The following MIA2 variants were observed in gnomAD, a reference collection of about 807,000 sequenced individuals.
The protein encoded by MIA2 is MIA SH3 domain ER export factor 2.
In MIA2, 127 loss-of-function variants were observed where a neutral mutation model predicts 167.8. That is an observed-to-expected ratio of 0.76 (90% CI 0.66 to 0.88). The LOEUF is 0.88. Among genes scored for constraint, MIA2 ranks in the 40% least tolerant of loss-of-function variants. The pLI, the probability that MIA2 is intolerant of heterozygous loss-of-function variation, is 0.00. For missense variants in MIA2, 1,690 were observed against 1,624.7 expected (o/e 1.04, Z -0.69); for synonymous variants, 552 against 541.9 (o/e 1.02, Z -0.26).
At chr14:39,385,480 A>T (rs2075257347) in intron 23 of MIA2, 2 of 969,010 alleles carry the variant, frequency 2.1e-6, no homozygotes, top group Non-Finnish European at 3.4e-6. Context: ...AAATACAGTG[A>T]TCTTGCTCTC....
rs144937204 is a variant in MIA2, at chr14:39,385,796, G to C, written c.2249-1089G>C. On this transcript the variant is annotated intron_variant, in intron 23 of 23. Transcript: ENST00000341502. ...AGGTCATTTAATTGCTGTTGCCTCT[G>C]GTTCTCAGTGCTTCTATTTACAACA... 1.0e-3 allele frequency: 880 copies of C among 879,422 alleles called. 4 individuals carry two copies. In the African/African-American group the frequency reaches 0.013, roughly 13 times the overall value. The allele number at this position is 879,422 out of a possible 1,614,324, so 54.5% of individuals were successfully genotyped here.
At chr14:39,301,314 C>T (rs770891532) in intron 14 of MIA2, among the ~76,000 whole-genome samples, 1 of 152,206 alleles carries the variant, frequency 6.6e-6, no homozygotes, top group African/African-American at 2.4e-5. Context: ...ATCCGCCCAC[C>T]TTAGCCTCCC....
At chr14:39,240,293 C>T (rs528372020) in intron 2 of MIA2, among the ~76,000 whole-genome samples, 10 of 152,132 alleles carry the variant, frequency 6.6e-5, no homozygotes, top group Admixed American at 4.6e-4. Context: ...AACAGAAAAA[C>T]GAATAAAATG....
Position 39,247,251 on chromosome 14 carries a change from G to T in MIA2, c.677G>T (p.Trp226Leu). ...PSSAVSGVKEWFGLGGEQAEE... is the reference protein window; with the variant it reads ...PSSAVSGVKELFGLGGEQAEE... ...TCAGCTGTGTCTGGAGTCAAAGAAT[G>T]GTTTGGATTGGGAGGAGAACAAGCT... The change falls in exon 4 of 29, where the codon TGG becomes TTG. Residue 226 changes from tryptophan to leucine, a missense_variant. Coordinates refer to ENST00000640607, the MANE Select transcript of MIA2 (RefSeq NM_001329214.4). The T allele has an allele frequency of 6.2e-7, 1 of 1,614,040 alleles. No homozygotes were observed. Among genetic ancestry groups the T allele is most frequent in the Non-Finnish European group, 8.5e-7 (1 of 1,180,008 alleles).
intron 23 of MIA2, among the ~76,000 whole-genome samples, chr14:39,380,648 G>A (rs1352623280): frequency 5.1e-5 from 7 of 136,156 alleles, no homozygotes; most frequent in South Asian, 2.3e-4. Context: ...AGCTGAGATC[G>A]CACCACTGCA....
chr14:39,292,759 A>C, intron 10 of MIA2: 1 of 194,846 alleles, frequency 5.1e-6, no homozygotes, highest in Admixed American at 6.2e-5. Flanking sequence ...ATAACTAATC[A>C]TTTTAAATTA....
chr14:39,346,600 T>G (rs1231976105), intron 26 of MIA2, among the ~76,000 whole-genome samples: 1 of 151,076 alleles, frequency 6.6e-6, no homozygotes, highest in Non-Finnish European at 1.5e-5. Flanking sequence ...AAATTTTTTT[T>G]AAAGTCAAGA....
downstream of MIA2, among the ~76,000 whole-genome samples, chr14:39,352,427 A>T (rs1221640341): frequency 6.6e-6 from 1 of 152,030 alleles, no homozygotes; most frequent in Non-Finnish European, 1.5e-5. Context: ...TTAAAAAAGG[A>T]TATATGCAAT....
In MIA2 at chr14:39,347,738, A is replaced by C. The variant is rs375455137; in HGVS notation, c.3804A>C (p.Glu1268Asp). The C allele has an allele frequency of 6.8e-6, 11 of 1,613,086 alleles. No individual in the cohort carries two copies. The highest frequency in any genetic ancestry group is 9.3e-6 in the Non-Finnish European group (11 of 1,179,626). The change falls in exon 27 of 29, where the codon GAA becomes GAC. Residue 1268 changes from glutamate to aspartate, a missense_variant. Glu to Asp is a conservative substitution (Grantham distance 45). Coordinates refer to ENST00000640607, the MANE Select transcript of MIA2 (RefSeq NM_001329214.4). ...KMDGSMPSEM[E>D]SSRNDTKDDL... ...ATGGGTCAATGCCTTCAGAAATGGA[A>C]TCCAGTAGAAATGATACCAAAGATG... is the stretch of plus-strand genomic sequence containing the variant.
rs894041748 is a variant in MIA2 at position 39,306,102 on chromosome 14, A to AT, written c.2878+1732dup. On this transcript the variant is annotated intron_variant, in intron 17 of 28. Transcript: ENST00000640607. ...AATGGCTTAAAGCCTAGGTCAATGA[A>AT]TTTTTTTTTTTCTGATGTAGATTAA... 2.1e-3 allele frequency among the ~76,000 whole-genome samples: 315 copies of AT among 149,170 alleles called. 1 individual carries two copies. Among genetic ancestry groups the AT allele is most frequent in the African/African-American group, 6.5e-3 (266 of 40,882 alleles).
exon 24 of MIA2, chr14:39,387,126 C>T (rs73283436): frequency 4.6e-4 from 248 of 538,682 alleles, no homozygotes; most frequent in African/African-American, 4.4e-3. Flanking sequence ...CAACGGAAGC[C>T]GACTTTCAAG....
intron 9 of MIA2, among the ~76,000 whole-genome samples, chr14:39,280,456 G>A (rs1189767286): frequency 3.3e-5 from 5 of 152,026 alleles, no homozygotes; most frequent in Non-Finnish European, 5.9e-5. Flanking sequence ...AAACCGGCTG[G>A]GCACGGTGGC....
Position 39,295,009 on chromosome 14 carries a change from C to T in MIA2, c.2476C>T (p.Leu826Phe), listed in dbSNP as rs1270771836. 2 of 1,612,274 alleles carry T rather than the reference C, an allele frequency of 1.2e-6. No homozygotes were observed. Among genetic ancestry groups the T allele is most frequent in the Non-Finnish European group, 1.7e-6 (2 of 1,178,448 alleles). The change falls in exon 13 of 29, where the codon CTT (leucine) becomes TTT (phenylalanine). Residue 826 changes from leucine to phenylalanine, a missense_variant. Physicochemically the swap from Leu to Phe is conservative, Grantham distance 22 (BLOSUM62 0). Transcript: ENST00000640607. ...AGATGCTTTGAATGAAAATTCTCAA[C>T]TTCAGGAAAGCCAGAAACAGGTTTG... ...IKDALNENSQ[L>F]QESQKQLLQE...
chr14:39,386,304 T>A, intron 23 of MIA2: 1 of 1,484,864 alleles, frequency 6.7e-7, no homozygotes. Flanking sequence ...GCCTCCAAAG[T>A]GACTGTGCTG....
At chr14:39,347,818 C>CAT in intron 27 of MIA2, 47 bp downstream of exon 27, 1 of 704,248 alleles carries the variant, frequency 1.4e-6, no homozygotes. Context: ...CAGAAGCCTT[C>CAT]TTTTTTTTTT....
At chr14:39,264,547 T>C (rs2055336636) in intron 6 of MIA2, among the ~76,000 whole-genome samples, 1 of 152,232 alleles carries the variant, frequency 6.6e-6, no homozygotes, top group Non-Finnish European at 1.5e-5. Context: ...CTTTGAGTTC[T>C]AATGTTTATA....
At chr14:39,319,122 A>G in intron 22 of MIA2, 87 bp from the exon 23 acceptor site, 1 of 605,676 alleles carries the variant, frequency 1.7e-6, no homozygotes, top group Non-Finnish European at 2.9e-6. Context: ...AAAATAGTGA[A>G]GAGCAGCTTG....
At chr14:39,261,818 C>T (rs946773975) in intron 6 of MIA2, among the ~76,000 whole-genome samples, 3 of 152,174 alleles carry the variant, frequency 2.0e-5, no homozygotes, top group African/African-American at 7.2e-5. Flanking sequence ...ATATCCTTCA[C>T]CCACGTGTTG....
chr14:39,266,458 T>C, intron 6 of MIA2: 5 of 985,470 alleles, frequency 5.1e-6, no homozygotes, highest in Non-Finnish European at 3.6e-6. Flanking sequence ...GGATTTGATT[T>C]AGCATTTGGG....
Sources: allele counts gnomAD v4.1 joint callset (sites outside exome capture counted in the v4.1 genomes callset), GRCh38; gene constraint gnomAD v4.1.1; transcripts MANE v1.5; gene names NCBI Gene and HGNC (gene_info 2026-07-23, HGNC 2026-07-21).